The following AFG2A variants were observed in gnomAD, a reference collection of about 807,000 sequenced individuals.
AFG2A encodes ATPase family gene 2 protein homolog A.
chr4:123,184,576 G>T, the AFG2A span, among the ~76,000 whole-genome samples: 1 of 108,180 alleles, frequency 9.2e-6, no homozygotes, highest in Non-Finnish European at 1.7e-5. Flanking sequence ...TCGCTCTGTC[G>T]CCCAGGCTGG....
At chr4:123,246,404 CAACAG>C in the AFG2A span, among the ~76,000 whole-genome samples, 1 of 152,176 alleles carries the variant, frequency 6.6e-6, no homozygotes, top group Non-Finnish European at 1.5e-5. Flanking sequence ...TTACTTTCTT[CAACAG>C]AAAATCAAGC....
At chr4:123,134,636 A>G in the AFG2A span, among the ~76,000 whole-genome samples, 7 of 142,722 alleles carry the variant, frequency 4.9e-5, no homozygotes, top group Middle Eastern at 3.7e-3. Flanking sequence ...AGAAACTACT[A>G]TGAACAATTA....
At chr4:123,063,179 C>A in the AFG2A span, among the ~76,000 whole-genome samples, 1 of 151,978 alleles carries the variant, frequency 6.6e-6, no homozygotes, top group East Asian at 1.9e-4. Flanking sequence ...TGTTCTTTGG[C>A]TATTTGAATT....
At chr4:122,927,848 A>G in the AFG2A span, 1 of 1,523,626 alleles carries the variant, frequency 6.6e-7, no homozygotes, top group Non-Finnish European at 8.9e-7. Context: ...TTTGAGTGCC[A>G]TGGTAGTCAA....
At chr4:123,176,217 C>T in the AFG2A span, among the ~76,000 whole-genome samples, 13 of 152,258 alleles carry the variant, frequency 8.5e-5, no homozygotes, top group African/African-American at 3.1e-4. Flanking sequence ...TTTGTCCATA[C>T]CTGAATATGC....
chr4:123,090,562 C>T, the AFG2A span: 22 of 1,612,166 alleles, frequency 1.4e-5, no homozygotes, highest in African/African-American at 1.5e-4. Context: ...TTTTTTAAAC[C>T]GTACTTTCAA....
At chr4:123,051,100 T>C in the AFG2A span, among the ~76,000 whole-genome samples, 1 of 152,134 alleles carries the variant, frequency 6.6e-6, no homozygotes, top group South Asian at 2.1e-4. Context: ...AATTTTAATA[T>C]TGATAGGCAA....
the AFG2A span, among the ~76,000 whole-genome samples, chr4:123,063,743 C>CAAAA: frequency 7.7e-6 from 1 of 129,754 alleles, no homozygotes; most frequent in African/African-American, 2.8e-5. Context: ...GAGACTGTCT[C>CAAAA]AAAAAAAAAA....
At chr4:123,153,737 A>T in the AFG2A span, among the ~76,000 whole-genome samples, 1 of 152,218 alleles carries the variant, frequency 6.6e-6, no homozygotes, top group South Asian at 2.1e-4. Flanking sequence ...ATAAAACCAC[A>T]GTAGGGCATA....
At chr4:123,134,263 T>C in the AFG2A span, among the ~76,000 whole-genome samples, 1 of 152,218 alleles carries the variant, frequency 6.6e-6, no homozygotes, top group African/African-American at 2.4e-5. Flanking sequence ...CTTCAATTTA[T>C]TTTGACTTGA....
the AFG2A span, among the ~76,000 whole-genome samples, chr4:123,084,763 C>T: frequency 6.6e-6 from 1 of 151,822 alleles, no homozygotes; most frequent in African/African-American, 2.4e-5. Flanking sequence ...CAACTAGCTA[C>T]AACTACAGAC....
At chr4:123,162,726 A>G in the AFG2A span, among the ~76,000 whole-genome samples, 1 of 152,302 alleles carries the variant, frequency 6.6e-6, no homozygotes, top group Admixed American at 6.5e-5. Context: ...TCATCATGGC[A>G]TAGTATGAAG....
the AFG2A span, among the ~76,000 whole-genome samples, chr4:122,953,072 G>T: frequency 6.6e-6 from 1 of 152,130 alleles, no homozygotes; most frequent in Non-Finnish European, 1.5e-5. Context: ...AACAATCCCT[G>T]TGGTTTCATT....
the AFG2A span, among the ~76,000 whole-genome samples, chr4:123,006,586 A>G: frequency 6.6e-6 from 1 of 152,054 alleles, no homozygotes; most frequent in South Asian, 2.1e-4. Flanking sequence ...CTAGTGCTGC[A>G]CCTACCAGTT....
chr4:123,005,125 G>T, the AFG2A span, among the ~76,000 whole-genome samples: 1 of 151,892 alleles, frequency 6.6e-6, no homozygotes, highest in African/African-American at 2.4e-5. Flanking sequence ...TCTGTCATTT[G>T]TATTGATCTT....
the AFG2A span, chr4:123,317,804 G>C: frequency 2.6e-5 from 4 of 152,312 alleles, no homozygotes; most frequent in African/African-American, 7.2e-5. Context: ...GATGAACAAA[G>C]AATGTTTTAG....
chr4:123,013,161 G>A, the AFG2A span, among the ~76,000 whole-genome samples: 1 of 152,056 alleles, frequency 6.6e-6, no homozygotes, highest in Admixed American at 6.5e-5. Flanking sequence ...GGGTCACAGG[G>A]TGCTCAGTGG....
At chr4:122,933,943 A>T in the AFG2A span, among the ~76,000 whole-genome samples, 1 of 152,190 alleles carries the variant, frequency 6.6e-6, no homozygotes, top group African/African-American at 2.4e-5. Flanking sequence ...TTATAGGGGA[A>T]TATTAGGTCC....
the AFG2A span, among the ~76,000 whole-genome samples, chr4:122,937,535 C>A: frequency 1.3e-4 from 19 of 151,958 alleles, 1 homozygote; most frequent in Admixed American, 1.2e-3. Context: ...TTTTTTTCCC[C>A]CAATGATAGT....
Sources: gnomAD v4.1 joint callset for allele counts (sites outside exome capture counted in the v4.1 genomes callset) on GRCh38, gnomAD v4.1.1 for gene constraint, MANE v1.5 for transcripts, NCBI Gene and HGNC (gene_info 2026-07-23, HGNC 2026-07-21) for gene names.